Variants in DNAH17 observed in about 807,000 individuals in gnomAD.
The protein encoded by DNAH17 is axonemal beta dynein heavy chain 17.
In DNAH17, 376 loss-of-function variants were observed where a neutral mutation model predicts 485.6. The ratio of observed to expected loss-of-function variants is 0.77; its 90% CI spans 0.71 to 0.84. DNAH17 has a LOEUF of 0.84. DNAH17 is among the 40% of genes least tolerant of loss of function. The pLI is 0.00. For synonymous variants in DNAH17, 3,031 were observed against 2,405.9 expected (o/e 1.26, Z -7.60); for missense variants, 6,370 against 5,839.3 (o/e 1.09, Z -2.96).
At chr17:78,522,538 C>T in intron 25 of DNAH17, 1 of 308,320 alleles carries the variant, frequency 3.2e-6, no homozygotes, top group Non-Finnish European at 6.4e-6. Flanking sequence ...ATCTGCCAGC[C>T]CCTAAGTCAC....
chr17:78,571,664 G>A lies in DNAH17; in HGVS notation c.658C>T (p.Leu220=). The change falls in exon 4 of 81, where the codon CTG becomes TTG. Residue 220 remains leucine, a synonymous_variant. Transcript: ENST00000389840. ...KDSAQALLDG[L]HPLPQVEFEF... Reference sequence around the variant, plus strand: ...AACTCCACTTGGGGCAGGGGGTGCAGCCCATCCAGCAGCGCCTGGGCTGAG... The same window carrying A: ...AACTCCACTTGGGGCAGGGGGTGCAACCCATCCAGCAGCGCCTGGGCTGAG... The A allele has an allele frequency of 6.2e-7, 1 of 1,614,038 alleles. No individual in the cohort carries two copies.
chr17:78,477,672 C>T (rs1034920622), intron 51 of DNAH17, among the ~76,000 whole-genome samples: 1 of 152,172 alleles, frequency 6.6e-6, no homozygotes, highest in Non-Finnish European at 1.5e-5. Flanking sequence ...CCACTGCACC[C>T]GGCTGGGCTG....
At chr17:78,446,607 T>C (rs1278658275) in intron 69 of DNAH17, among the ~76,000 whole-genome samples, 1 of 151,198 alleles carries the variant, frequency 6.6e-6, no homozygotes, top group Non-Finnish European at 1.5e-5. Context: ...TGTGAATTGA[T>C]TAGCTTTGCT....
chr17:78,442,555 G>C (rs1002591743), intron 71 of DNAH17, among the ~76,000 whole-genome samples: 6 of 152,224 alleles, frequency 3.9e-5, no homozygotes, highest in African/African-American at 1.4e-4. Context: ...AATGACTCTA[G>C]ATCACCTTTG....
rs1187364821 is a variant in DNAH17 at position 78,490,815 on chromosome 17, G to A, written c.6702C>T (p.Pro2234=). Residue 2234 remains proline (P), a synonymous_variant, in exon 44 of 81, where the codon CCC becomes CCT. Coordinates refer to ENST00000389840, the MANE Select transcript of DNAH17 (RefSeq NM_173628.4). ...VLTLASNERI[P]LNRTMRLVFE... Reference sequence around the variant, plus strand: ...ACACCAGCCTCATGGTGCGGTTCAGGGGGATCCGCTCGTTGCTGGCCAGGG... The same window carrying A: ...ACACCAGCCTCATGGTGCGGTTCAGAGGGATCCGCTCGTTGCTGGCCAGGG... The A allele has an allele frequency of 3.1e-6, 5 of 1,604,248 alleles. No individual in the cohort carries two copies. In the African/African-American group the frequency reaches 5.4e-5, roughly 17 times the overall value.
At chr17:78,501,581 G>T in intron 34 of DNAH17, 161 bp downstream of exon 34, 1 of 1,106,424 alleles carries the variant, frequency 9.0e-7, no homozygotes, top group Non-Finnish European at 1.3e-6. Context: ...TTGCTCACCA[G>T]GGGTGAGTCC....
intron 54 of DNAH17, among the ~76,000 whole-genome samples, chr17:78,473,132 C>T (rs970482303): frequency 6.6e-6 from 1 of 152,206 alleles, no homozygotes; most frequent in East Asian, 1.9e-4. Flanking sequence ...TATGGCAGCA[C>T]CATTAGAACG....
chr17:78,532,247 T>G (rs927150355), intron 20 of DNAH17, among the ~76,000 whole-genome samples: 1 of 152,204 alleles, frequency 6.6e-6, no homozygotes, highest in Non-Finnish European at 1.5e-5. Context: ...TCCCTCTGCC[T>G]CCTGACTGAC....
intron 11 of DNAH17, among the ~76,000 whole-genome samples, chr17:78,563,179 C>G (rs1404884028): frequency 6.6e-6 from 1 of 152,132 alleles, no homozygotes; most frequent in Non-Finnish European, 1.5e-5. Flanking sequence ...CAAAATTGTT[C>G]AAATCTTCCT....
chr17:78,426,893 C>T, intron 78 of DNAH17, 33 bp downstream of exon 78: 1 of 1,572,936 alleles, frequency 6.4e-7, no homozygotes. Context: ...ACCATCCAGC[C>T]ACGTCCCTGG....
intron 65 of DNAH17, 82 bp downstream of exon 65, chr17:78,453,261 C>A (rs1371695320): frequency 6.5e-6 from 10 of 1,538,260 alleles, no homozygotes; most frequent in Non-Finnish European, 8.8e-6. Context: ...AAATTCCGGG[C>A]GTTTTCTCTA....
In DNAH17 at chr17:78,484,845, C is replaced by T; in HGVS notation, c.7649+23G>A. 3 of 1,517,744 alleles carry T rather than the reference C, an allele frequency of 2.0e-6. No homozygotes were observed. The African/African-American group carries it at 4.2e-5, about 21-fold the overall frequency. 94.0% of individuals were successfully genotyped at this position (1,517,744 alleles called of 1,614,324 possible). A position where few individuals can be genotyped will look rare whatever the true frequency, so the allele number is the denominator to read the frequency against. ...TCACCGCCCCGGGGCCACGCCTTCCCCTCCGGCCCCGCCCCGTCTAACCAG... is the reference window on the plus strand; with the variant it reads ...TCACCGCCCCGGGGCCACGCCTTCCTCTCCGGCCCCGCCCCGTCTAACCAG... On this transcript the variant is annotated intron_variant, in intron 48 of 80. Transcript: ENST00000389840.
rs765725696 is a variant in DNAH17 at position 78,525,096 on chromosome 17, G to C, written c.3777C>G (p.Phe1259Leu). 128 of 1,613,660 alleles carry C rather than the reference G, an allele frequency of 7.9e-5. No individual in the cohort carries two copies. Among genetic ancestry groups the C allele is most frequent in the Non-Finnish European group, 9.9e-5 (117 of 1,179,882 alleles). The change falls in exon 25 of 81, where the codon TTC (phenylalanine) becomes TTG (leucine). Residue 1259 changes from phenylalanine (F) to leucine (L), a missense_variant. Phe to Leu is a conservative substitution (Grantham distance 22, BLOSUM62 0). Transcript: ENST00000389840. ...MEALSKSGGL[F>L]EVPVPDYKQL... ...GCTTGTAGTCTGGGACGGGGACCTC[G>C]AACAGGCCCCCGGACTTGGACAGCG... is the stretch of plus-strand genomic sequence containing the variant.
rs1469328581 is a variant in DNAH17, at chr17:78,575,085, G to C, written c.-25-3C>G. On this transcript the variant is annotated splice_region_variant and splice_polypyrimidine_tract_variant and intron_variant, in intron 1 of 80. Transcript: ENST00000389840. ...TGGCCTTTCCTTACACTGTGTATCTGTTAAGAGTGCAAGAAACAGGTACGA... is the reference window on the plus strand; with the variant it reads ...TGGCCTTTCCTTACACTGTGTATCTCTTAAGAGTGCAAGAAACAGGTACGA... The C allele has an allele frequency of 6.4e-7, 1 of 1,569,002 alleles. No individual in the cohort carries two copies. Among genetic ancestry groups the C allele is most frequent in the Non-Finnish European group, 8.7e-7 (1 of 1,150,474 alleles).
At chr17:78,558,785 C>T (rs965347522) in intron 13 of DNAH17, among the ~76,000 whole-genome samples, 5 of 151,180 alleles carry the variant, frequency 3.3e-5, no homozygotes, top group African/African-American at 4.9e-5. Context: ...TGCTTTCACC[C>T]GGTTATGACC....
At chr17:78,478,341 ACATCACCCACATCAC>A (rs2089184758) in intron 51 of DNAH17, among the ~76,000 whole-genome samples, 1 of 144,816 alleles carries the variant, frequency 6.9e-6, no homozygotes, top group South Asian at 2.2e-4. Context: ...TATCACCATC[ACATCACCCACATCAC>A]CATCACCACC....
At chr17:78,573,352 A>G (rs2092387032) in intron 2 of DNAH17, among the ~76,000 whole-genome samples, 2 of 152,050 alleles carry the variant, frequency 1.3e-5, no homozygotes, top group Admixed American at 1.3e-4. Flanking sequence ...AAATCCTAGG[A>G]CTTAGGGAGG....
chr17:78,529,988 G>A (rs574411915), intron 21 of DNAH17, among the ~76,000 whole-genome samples: 8 of 152,316 alleles, frequency 5.3e-5, no homozygotes, highest in African/African-American at 1.2e-4. Flanking sequence ...GCCAGGCAAT[G>A]CTCTCTCCTG....
Position 78,462,871 on chromosome 17 carries a change from C to G in DNAH17, c.9147G>C (p.Leu3049=). The change falls in exon 57 of 81, where the codon CTG becomes CTC. Residue 3049 remains leucine (L), a synonymous_variant. Transcript: ENST00000389840. ...GGGAAGCCGTGCTCTGCAGCTTCATCAGGCCGTTCTCCAGCCTCTCGATTT... is the reference window on the plus strand; with the variant it reads ...GGGAAGCCGTGCTCTGCAGCTTCATGAGGCCGTTCTCCAGCCTCTCGATTT... The part of the protein sequence containing the change: ...VAKIERLENG[L]MKLQSTASQV... 1 of 1,614,006 alleles carries G rather than the reference C, an allele frequency of 6.2e-7. No homozygotes were observed. The highest frequency in any genetic ancestry group is 8.5e-7 in the Non-Finnish European group (1 of 1,179,884).
Sources: gnomAD v4.1 joint callset for allele counts (sites outside exome capture counted in the v4.1 genomes callset) on GRCh38, gnomAD v4.1.1 for gene constraint, MANE v1.5 for transcripts, NCBI Gene and HGNC (gene_info 2026-07-23, HGNC 2026-07-21) for gene names.